LARGE1: variants seen among roughly 807,000 people sequenced by gnomAD.
The protein encoded by LARGE1 is xylosyl- and glucuronyltransferase LARGE1.
Under a neutral mutation model 87.6 loss-of-function variants are expected in LARGE1, and 43 were observed. The ratio of observed to expected loss-of-function variants is 0.49; its 90% CI spans 0.38 to 0.63. LARGE1 has a LOEUF of 0.63. Ranked by LOEUF, LARGE1 falls within the 30% of genes least tolerant of loss-of-function variation. The pLI is 0.00. For missense variants in LARGE1, 802 were observed against 1,000.2 expected (o/e 0.80, Z 2.67); for synonymous variants, 434 against 394.6 (o/e 1.10, Z -1.18).
At chr22:33,422,365 C>T (rs898564488) in intron 7 of LARGE1, among the ~76,000 whole-genome samples, 8 of 152,156 alleles carry the variant, frequency 5.3e-5, no homozygotes, top group Non-Finnish European at 1.0e-4. Context: ...GCAGGCTTTA[C>T]AAGAAGTATG....
the LARGE1 span, chr22:33,110,353 G>C: frequency 6.6e-6 from 1 of 152,218 alleles, no homozygotes; most frequent in Admixed American, 6.5e-5. Context: ...GTTCAGAAAT[G>C]AGCGTACGTT....
chr22:33,594,779 G>A (rs2078934411), intron 5 of LARGE1, among the ~76,000 whole-genome samples: 2 of 152,094 alleles, frequency 1.3e-5, no homozygotes, highest in African/African-American at 4.8e-5. Context: ...GCTAATTTTT[G>A]CATTTTTAGT....
intron 11 of LARGE1, among the ~76,000 whole-genome samples, chr22:33,207,735 A>G (rs1924756954): frequency 6.6e-6 from 1 of 152,056 alleles, no homozygotes; most frequent in African/African-American, 2.4e-5. Flanking sequence ...AGATTGGCAA[A>G]TCCACTGCTC....
intron 5 of LARGE1, among the ~76,000 whole-genome samples, chr22:33,592,394 G>T (rs551757617): frequency 4.0e-5 from 6 of 151,824 alleles, no homozygotes; most frequent in African/African-American, 1.4e-4. Flanking sequence ...TAATAAATTA[G>T]ATCTAATTCT....
intron 7 of LARGE1, among the ~76,000 whole-genome samples, chr22:33,399,978 T>C (rs1185458240): frequency 6.6e-6 from 1 of 152,248 alleles, no homozygotes; most frequent in Non-Finnish European, 1.5e-5. Context: ...CAAGTAATTT[T>C]GCACATTTTA....
At chr22:33,084,617 T>G in the LARGE1 span, among the ~76,000 whole-genome samples, 5 of 151,976 alleles carry the variant, frequency 3.3e-5, no homozygotes, top group Admixed American at 1.3e-4. Flanking sequence ...ATAGCAACAC[T>G]GCACTTCAGT....
intron 1 of LARGE1, among the ~76,000 whole-genome samples, chr22:33,853,218 G>A (rs1402957016): frequency 6.6e-6 from 1 of 152,130 alleles, no homozygotes; most frequent in East Asian, 1.9e-4. Flanking sequence ...TGGAACGTGG[G>A]TCTGCAGATT....
At chr22:33,094,319 G>C in the LARGE1 span, among the ~76,000 whole-genome samples, 1 of 152,140 alleles carries the variant, frequency 6.6e-6, no homozygotes, top group African/African-American at 2.4e-5. Context: ...TGCACGGACC[G>C]TTGCACTAAG....
chr22:33,117,462 G>T, the LARGE1 span, among the ~76,000 whole-genome samples: 30 of 151,162 alleles, frequency 2.0e-4, no homozygotes, highest in Middle Eastern at 3.4e-3. Flanking sequence ...AACATGTGAG[G>T]GTCCTAGGGG....
At chr22:33,465,861 C>T (rs2068586450) in intron 6 of LARGE1, among the ~76,000 whole-genome samples, 1 of 152,208 alleles carries the variant, frequency 6.6e-6, no homozygotes, top group Non-Finnish European at 1.5e-5. Flanking sequence ...GCATCCCTAT[C>T]ATGCTAACTC....
intron 1 of LARGE1, among the ~76,000 whole-genome samples, chr22:33,878,125 A>ATTTTTTTTTTTTTTTTTTTTTTTT (rs1601836110): frequency 1.2e-4 from 6 of 51,236 alleles, no homozygotes; most frequent in Non-Finnish European, 2.0e-4. Flanking sequence ...TTTATATTGT[A>ATTTTTTTTTTTTTTTTTTTTTTTT]TTTCTTTTTT....
intron 1 of LARGE1, among the ~76,000 whole-genome samples, chr22:33,778,356 A>G (rs1446496617): frequency 6.6e-6 from 1 of 152,186 alleles, no homozygotes; most frequent in African/African-American, 2.4e-5. Flanking sequence ...ATAACATAAC[A>G]TTAACCACTT....
chr22:33,352,983 T>C (rs936635740), intron 9 of LARGE1, among the ~76,000 whole-genome samples: 6 of 152,248 alleles, frequency 3.9e-5, no homozygotes, highest in African/African-American at 1.4e-4. Context: ...CTGACACTTC[T>C]GTTCCCAGTA....
At chr22:33,079,537 C>G in the LARGE1 span, among the ~76,000 whole-genome samples, 1 of 151,982 alleles carries the variant, frequency 6.6e-6, no homozygotes, top group Admixed American at 6.6e-5. Context: ...ATCTAGTTAT[C>G]ATTCTTATTA....
intron 2 of LARGE1, among the ~76,000 whole-genome samples, chr22:33,721,987 C>CA (rs1178638091): frequency 7.9e-5 from 12 of 152,174 alleles, no homozygotes; most frequent in Admixed American, 3.3e-4. Context: ...CGCAGTGGCT[C>CA]ACGCCTGTAA....
chr22:33,731,096 G>A (rs553502913), intron 2 of LARGE1, among the ~76,000 whole-genome samples: 5 of 150,104 alleles, frequency 3.3e-5, no homozygotes, highest in East Asian at 2.0e-4. Context: ...TCCGCCTCCC[G>A]GGTTCACGCC....
At chr22:33,463,755 C>T (rs750213784) in intron 6 of LARGE1, among the ~76,000 whole-genome samples, 1 of 152,166 alleles carries the variant, frequency 6.6e-6, no homozygotes, top group Non-Finnish European at 1.5e-5. Context: ...TCACCATAAC[C>T]TCCGCCTCCC....
chr22:33,130,789 T>G, the LARGE1 span, among the ~76,000 whole-genome samples: 3 of 152,064 alleles, frequency 2.0e-5, no homozygotes, highest in Non-Finnish European at 2.9e-5. Context: ...CTCACGCTTG[T>G]AATCCCAGCA....
intron 6 of LARGE1, among the ~76,000 whole-genome samples, chr22:33,479,432 A>T (rs1462273414): frequency 1.3e-5 from 2 of 152,214 alleles, no homozygotes; most frequent in Non-Finnish European, 2.9e-5. Context: ...GGAAGGAAAG[A>T]TCTGGTCTCA....
Sources: allele counts gnomAD v4.1 joint callset (sites outside exome capture counted in the v4.1 genomes callset), GRCh38; gene constraint gnomAD v4.1.1; transcripts MANE v1.5; gene names NCBI Gene and HGNC (gene_info 2026-07-23, HGNC 2026-07-21).